Variants in HIVEP3 observed in about 807,000 individuals in gnomAD.
The protein encoded by HIVEP3 is transcription factor HIVEP3.
In HIVEP3, 49 loss-of-function variants were observed where a neutral mutation model predicts 152.8. The observed-to-expected ratio is 0.32, with a 90% confidence interval of 0.26 to 0.41. The LOEUF is 0.41. HIVEP3 is among the 10% of genes least tolerant of loss of function. The pLI, the probability that HIVEP3 is intolerant of heterozygous loss-of-function variation, is 1.00. For synonymous variants in HIVEP3, 1,269 were observed against 1,289.0 expected (o/e 0.98, Z 0.33); for missense variants, 2,790 against 3,103.3 (o/e 0.90, Z 2.40).
rs889200233 is a variant in HIVEP3, at chr1:41,794,449, T to C, written c.-800-93454A>G. 3.3e-4 allele frequency among the ~76,000 whole-genome samples: 50 copies of C among 152,334 alleles called. 1 individual carries two copies. Among genetic ancestry groups the C allele is most frequent in the Non-Finnish European group, 1.3e-4 (9 of 68,038 alleles). ...GTGATTATTTTACTAGTATAAATCC[T>C]TGAAAGGGGAACTTATAGGTAAAAA... On this transcript the variant is annotated intron_variant, in intron 1 of 8. Transcript: ENST00000372583.
chr1:41,686,111 AC>A (rs1453339590), intron 2 of HIVEP3, among the ~76,000 whole-genome samples: 2 of 151,898 alleles, frequency 1.3e-5, no homozygotes, highest in African/African-American at 4.8e-5. Flanking sequence ...TCACTCTGTC[AC>A]CCAGGCTGGA....
chr1:41,513,547 C>T lies in HIVEP3; in HGVS notation c.5674G>A (p.Ala1892Thr), dbSNP rs1642513945. 1 of 1,609,494 alleles carries T rather than the reference C, an allele frequency of 6.2e-7. No homozygotes were observed. Among genetic ancestry groups the T allele is most frequent in the Non-Finnish European group, 8.5e-7 (1 of 1,178,410 alleles). ...GGGCCCAGGATGGGTGAGGAGTCTG[C>T]CCGCAGTGCATGTGGTGGGCCAGGC... is the stretch of plus-strand genomic sequence containing the variant. ...PPPGPPHALR[A>T]DSSPILGPQP... The change falls in exon 8 of 9, where the codon GCA (alanine) becomes ACA (threonine). Residue 1892 changes from alanine (A) to threonine (T), a missense_variant. Coordinates refer to ENST00000372583, the MANE Select transcript of HIVEP3 (RefSeq NM_024503.5).
At chr1:41,718,184 C>T (rs1646623744) in intron 1 of HIVEP3, among the ~76,000 whole-genome samples, 1 of 152,378 alleles carries the variant, frequency 6.6e-6, no homozygotes, top group African/African-American at 2.4e-5. Context: ...GTCTGGTGCA[C>T]TGAATGTCCC....
chr1:41,562,606 TC>T (rs1558062988), intron 5 of HIVEP3, among the ~76,000 whole-genome samples: 230 of 95,608 alleles, frequency 2.4e-3, no homozygotes, highest in East Asian at 0.022. Context: ...TTTCTTTCTC[TC>T]TCTCTCTCTC....
In HIVEP3 at chr1:41,582,233, A is replaced by T. The variant is rs1321176184; in HGVS notation, c.2565T>A (p.Val855=). 6.2e-7 allele frequency: 1 copy of T among 1,613,688 alleles called. No individual in the cohort carries two copies. Among genetic ancestry groups the T allele is most frequent in the East Asian group, 2.2e-5 (1 of 44,876 alleles). ...PKLVRQPNIQ[V]PEILVTEEPD... is the part of the protein sequence containing the mutation. ...GCTCCTCAGTTACTAGGATCTCAGG[A>T]ACCTGAATGTTGGGCTGGCGGACCA... Residue 855 remains valine (V), a synonymous_variant, in exon 4 of 9, where the codon GTT becomes GTA. Transcript: ENST00000372583. This position sits in a 1 kb window ranked among gnomAD's most constrained non-coding sequence, Gnocchi z 4.7.
At chr1:42,029,477 A>C (rs1177914257) in intron 1 of HIVEP3, among the ~76,000 whole-genome samples, 1 of 152,230 alleles carries the variant, frequency 6.6e-6, no homozygotes, top group African/African-American at 2.4e-5. Flanking sequence ...CTTGGGAATA[A>C]TGATTATTAT....
chr1:42,023,958 A>G (rs1295726975), intron 1 of HIVEP3, among the ~76,000 whole-genome samples: 2 of 152,194 alleles, frequency 1.3e-5, no homozygotes, highest in African/African-American at 4.8e-5. Context: ...CTCCTTCGTA[A>G]TAAATCCAGA....
intron 1 of HIVEP3, among the ~76,000 whole-genome samples, chr1:41,749,114 T>C (rs78855681): frequency 0.02 from 3,014 of 152,334 alleles, 89 homozygotes; most frequent in African/African-American, 0.067. Context: ...CAGGGATTCC[T>C]TCTAACCCTC....
At chr1:41,786,193 A>G (rs1649338114) in intron 1 of HIVEP3, among the ~76,000 whole-genome samples, 1 of 152,186 alleles carries the variant, frequency 6.6e-6, no homozygotes. Flanking sequence ...GTTCTCATCT[A>G]AAAAATGGGA....
upstream of HIVEP3, among the ~76,000 whole-genome samples, chr1:41,922,977 C>T (rs1193834626): frequency 6.6e-6 from 1 of 151,452 alleles, no homozygotes; most frequent in Non-Finnish European, 1.5e-5. Context: ...TAGATGATGA[C>T]AAAACAAAAA....
At chr1:41,922,502 GAACA>G (rs1644946632), upstream of HIVEP3, among the ~76,000 whole-genome samples, 1 of 151,958 alleles carries the variant, frequency 6.6e-6, no homozygotes, top group African/African-American at 2.4e-5. Flanking sequence ...TCCAGCTGAG[GAACA>G]AATAAGGCAG....
intron 5 of HIVEP3, among the ~76,000 whole-genome samples, chr1:41,567,141 C>A (rs1314495011): frequency 6.6e-6 from 1 of 152,150 alleles, no homozygotes; most frequent in Non-Finnish European, 1.5e-5. Context: ...TCCTCCATCC[C>A]TTCTCACCCC....
At chr1:41,955,543 G>A (rs602590) in intron 1 of HIVEP3, among the ~76,000 whole-genome samples, 8,832 of 152,186 alleles carry the variant, frequency 0.058, 896 homozygotes, top group African/African-American at 0.2. Flanking sequence ...TGACCTCACC[G>A]TATTAAGTCC....
At chr1:41,538,584 C>T (rs1296531198) in intron 5 of HIVEP3, among the ~76,000 whole-genome samples, 2 of 152,110 alleles carry the variant, frequency 1.3e-5, no homozygotes, top group East Asian at 1.9e-4. Context: ...TAATGCCCAG[C>T]ACAGCTCTAA....
chr1:41,627,670 AAG>A (rs1405127810), intron 3 of HIVEP3, among the ~76,000 whole-genome samples: 1 of 152,136 alleles, frequency 6.6e-6, no homozygotes, highest in Non-Finnish European at 1.5e-5. Flanking sequence ...AGAGAAGCGA[AAG>A]AGTCACTGCT....
At chr1:41,838,330 T>C (rs935566330) in intron 1 of HIVEP3, among the ~76,000 whole-genome samples, 1 of 152,164 alleles carries the variant, frequency 6.6e-6, no homozygotes, top group African/African-American at 2.4e-5. Flanking sequence ...TGTGCTTTTA[T>C]AACCACTCCC....
intron 1 of HIVEP3, among the ~76,000 whole-genome samples, chr1:42,017,223 A>C (rs1405065409): frequency 6.6e-6 from 1 of 152,100 alleles, no homozygotes; most frequent in Non-Finnish European, 1.5e-5. Context: ...TTAATTGTGG[A>C]CCTTTCATTT....
chr1:41,545,617 CTACCAT>C (rs1440651534), intron 5 of HIVEP3, among the ~76,000 whole-genome samples: 49 of 131,300 alleles, frequency 3.7e-4, no homozygotes, highest in Admixed American at 6.0e-4. Context: ...ATCACCACCA[CTACCAT>C]CACCACCACC....
intron 5 of HIVEP3, among the ~76,000 whole-genome samples, chr1:41,529,726 C>T (rs1484625388): frequency 6.8e-6 from 1 of 146,428 alleles, no homozygotes; most frequent in Non-Finnish European, 1.5e-5. Flanking sequence ...TTTACACATA[C>T]ACACGCCACC....
Sources: allele counts gnomAD v4.1 joint callset (sites outside exome capture counted in the v4.1 genomes callset), GRCh38; gene constraint gnomAD v4.1.1; non-coding constraint Gnocchi (gnomAD v3.1); transcripts MANE v1.5; gene names NCBI Gene and HGNC (gene_info 2026-07-23, HGNC 2026-07-21).